The following TENM4 variants were observed in gnomAD, a reference collection of about 807,000 sequenced individuals.
TENM4 encodes teneurin-4.
A neutral mutation model predicts 243.3 loss-of-function variants in TENM4; 82 were observed. The ratio of observed to expected loss-of-function variants is 0.34; its 90% confidence interval spans 0.28 to 0.40. TENM4 has a LOEUF of 0.40. Among genes scored for constraint, TENM4 ranks in the 10% least tolerant of loss-of-function variants. The pLI, the probability that TENM4 is intolerant of heterozygous loss-of-function variation, is 1.00. For missense variants in TENM4, 3,138 were observed against 3,673.3 expected, an observed-to-expected ratio of 0.85 and a Z score of 3.77; for synonymous variants, 1,412 against 1,456.3, an observed-to-expected ratio of 0.97 and a Z score of 0.69.
rs1313698512 is a variant in TENM4, at chr11:78,653,545, T to C, written c.*4513A>G. ...TGTTGGTCATCCAGAAGCAGCTTGGTACAGACTCCTTTTGCCGAAGCTGCG... is the reference window on the plus strand; with the variant it reads ...TGTTGGTCATCCAGAAGCAGCTTGGCACAGACTCCTTTTGCCGAAGCTGCG... On this transcript the variant is annotated 3_prime_UTR_variant, in exon 34 of 34. Transcript: ENST00000278550. 1 of 152,200 alleles carries C rather than the reference T, an allele frequency of 6.6e-6. No homozygotes were observed. Among genetic ancestry groups the C allele is most frequent in the African/African-American group, 2.4e-5 (1 of 41,444 alleles). The allele number at this position is 152,200 out of a possible 1,614,324, so 9.4% of individuals were successfully genotyped here. A position where few individuals can be genotyped will look rare whatever the true frequency, so the allele number is the denominator to read the frequency against.
At chr11:78,762,566 T>A (rs916739452) in intron 18 of TENM4, among the ~76,000 whole-genome samples, 2 of 152,212 alleles carry the variant, frequency 1.3e-5, no homozygotes, top group Non-Finnish European at 2.9e-5. Context: ...GAGTGATTAA[T>A]GCCTATACCT....
chr11:79,228,126 C>A (rs1864305715), intron 2 of TENM4, among the ~76,000 whole-genome samples: 1 of 152,138 alleles, frequency 6.6e-6, no homozygotes, highest in South Asian at 2.1e-4. Context: ...CAGGCCGGGA[C>A]TGAGAAAGAG....
intron 12 of TENM4, among the ~76,000 whole-genome samples, chr11:78,823,511 C>T (rs764514377): frequency 3.9e-5 from 6 of 152,250 alleles, no homozygotes; most frequent in East Asian, 1.9e-4. Flanking sequence ...TAGGAAGAGA[C>T]GGGCTGGTGA....
At chr11:79,247,731 C>T (rs1404359035) in intron 2 of TENM4, among the ~76,000 whole-genome samples, 7 of 152,260 alleles carry the variant, frequency 4.6e-5, no homozygotes, top group Admixed American at 2.0e-4. Flanking sequence ...CAGGACAGTG[C>T]TGCTAGTGAC....
chr11:79,094,070 C>T lies in TENM4; in HGVS notation c.-65-24061G>A, dbSNP rs564808862. 7.2e-5 allele frequency among the ~76,000 whole-genome samples: 11 copies of T among 152,222 alleles called. 1 individual carries two copies. In the South Asian group the frequency reaches 2.3e-3, roughly 32 times the overall value. On this transcript the variant is annotated intron_variant, in intron 4 of 33. Coordinates refer to ENST00000278550, the MANE Select transcript of TENM4 (RefSeq NM_001098816.3). ...TGCATTAGAGACTGTAGACATAGCC[C>T]ATCTCCATCATGGCGGAAGGTTCCA...
intron 6 of TENM4, among the ~76,000 whole-genome samples, chr11:79,014,932 T>C (rs932183257): frequency 2.0e-5 from 3 of 152,230 alleles, no homozygotes; most frequent in Non-Finnish European, 4.4e-5. Flanking sequence ...ACTAACTTCA[T>C]TGTTTCACTC....
chr11:79,025,711 G>A (rs1469056070), intron 6 of TENM4, among the ~76,000 whole-genome samples: 3 of 152,204 alleles, frequency 2.0e-5, no homozygotes, highest in Admixed American at 2.0e-4. Context: ...GCTCTTTACG[G>A]CTAATCTGCC....
chr11:78,803,311 G>A (rs1857320765), intron 15 of TENM4, among the ~76,000 whole-genome samples: 1 of 152,122 alleles, frequency 6.6e-6, no homozygotes, highest in Non-Finnish European at 1.5e-5. Flanking sequence ...TTACAGGCGT[G>A]AGCCACTGTG....
chr11:79,003,430 C>T (rs1397815823), intron 6 of TENM4, among the ~76,000 whole-genome samples: 2 of 151,838 alleles, frequency 1.3e-5, no homozygotes, highest in African/African-American at 4.8e-5. Flanking sequence ...ACAAAAATAA[C>T]TCCATCAGGC....
At position 78,657,865 on chromosome 11, in the gene TENM4, TGCAAAAAATGTGCGAAG is replaced by T; in HGVS notation, c.*176_*192del. 1 of 807,464 alleles carries T rather than the reference TGCAAAAAATGTGCGAAG, an allele frequency of 1.2e-6. No homozygotes were observed. Among genetic ancestry groups the T allele is most frequent in the Non-Finnish European group, 2.0e-6 (1 of 494,130 alleles). The allele number at this position is 807,464 out of a possible 1,614,324, so 50.0% of individuals were successfully genotyped here. ...ACAGAAAAAAATACCTTCTGTTCTT[TGCAAAAAATGTGCGAAG>T]GCCAAATCTGTGTTTTTCTTTTCTA... On this transcript the variant is annotated 3_prime_UTR_variant, in exon 34 of 34. Transcript: ENST00000278550.
chr11:78,988,454 T>G (rs1179367170), intron 6 of TENM4, among the ~76,000 whole-genome samples: 2 of 152,182 alleles, frequency 1.3e-5, no homozygotes, highest in Non-Finnish European at 2.9e-5. Flanking sequence ...TTGGGGCAAT[T>G]TGTTATGTAG....
At chr11:78,851,775 C>G (rs1440232066) in intron 12 of TENM4, among the ~76,000 whole-genome samples, 2 of 152,156 alleles carry the variant, frequency 1.3e-5, no homozygotes, top group Non-Finnish European at 2.9e-5. Flanking sequence ...AGATGACGGC[C>G]AGACTGGGGC....
intron 1 of TENM4, among the ~76,000 whole-genome samples, chr11:79,345,784 T>A (rs1158431588): frequency 6.6e-6 from 1 of 152,188 alleles, no homozygotes; most frequent in Non-Finnish European, 1.5e-5. Flanking sequence ...ACCTTACCGA[T>A]AATTTCAATT....
chr11:79,329,408 C>T (rs189150063), intron 1 of TENM4, among the ~76,000 whole-genome samples: 152 of 152,348 alleles, frequency 1.0e-3, no homozygotes, highest in Non-Finnish European at 1.2e-3. Flanking sequence ...AACATCCCAA[C>T]CTCAGTTACT....
intron 16 of TENM4, among the ~76,000 whole-genome samples, chr11:78,781,894 G>C (rs1221706297): frequency 6.6e-6 from 1 of 152,168 alleles, no homozygotes; most frequent in East Asian, 1.9e-4. Flanking sequence ...TTCAAAGCCA[G>C]ATTCCCACCC....
At chr11:79,369,178 G>A (rs1187653445) in intron 1 of TENM4, among the ~76,000 whole-genome samples, 1 of 152,086 alleles carries the variant, frequency 6.6e-6, no homozygotes, top group Admixed American at 6.5e-5. Context: ...AGCTGGCAGG[G>A]CCAGGAGTCA....
At chr11:78,960,825 C>T (rs1857304433) in intron 6 of TENM4, among the ~76,000 whole-genome samples, 3 of 152,158 alleles carry the variant, frequency 2.0e-5, no homozygotes. Context: ...TGGAGCATCC[C>T]CAAGTGCCAA....
chr11:78,991,836 C>G (rs944249637), intron 6 of TENM4, among the ~76,000 whole-genome samples: 2 of 152,144 alleles, frequency 1.3e-5, no homozygotes, highest in Non-Finnish European at 2.9e-5. Flanking sequence ...AAATGTGGGC[C>G]CAGACCCAGG....
intron 6 of TENM4, among the ~76,000 whole-genome samples, chr11:79,010,637 G>A (rs765049825): frequency 6.6e-6 from 1 of 152,152 alleles, no homozygotes; most frequent in Admixed American, 6.5e-5. Flanking sequence ...GCTGTGCAGG[G>A]AAACTCCCCC....
Sources: gnomAD v4.1 joint callset for allele counts (sites outside exome capture counted in the v4.1 genomes callset) on GRCh38, gnomAD v4.1.1 for gene constraint, MANE v1.5 for transcripts, NCBI Gene and HGNC (gene_info 2026-07-23, HGNC 2026-07-21) for gene names.